HDLBP: variants seen among roughly 807,000 people sequenced by gnomAD.
HDLBP encodes the protein vigilin.
In HDLBP, 30 loss-of-function variants were observed where a neutral mutation model predicts 137.3. That is an observed-to-expected ratio of 0.22 (90% CI 0.16 to 0.30). HDLBP has a LOEUF of 0.30. Among genes scored for constraint, HDLBP ranks in the 10% least tolerant of loss-of-function variants. The pLI, the probability that HDLBP is intolerant of heterozygous loss-of-function variation, is 1.00. For missense variants in HDLBP, 1,119 were observed against 1,667.3 expected (o/e 0.67, Z 5.73); for synonymous variants, 606 against 596.0 (o/e 1.02, Z -0.24).
At chr2:241,245,167 C>A (rs533939716) in intron 16 of HDLBP, among the ~76,000 whole-genome samples, 2 of 151,014 alleles carry the variant, frequency 1.3e-5, no homozygotes, top group East Asian at 1.9e-4. Flanking sequence ...TAATTAAATG[C>A]AAACATCATA....
chr2:241,310,313 A>T (rs1023162261), intron 1 of HDLBP, among the ~76,000 whole-genome samples: 1 of 152,210 alleles, frequency 6.6e-6, no homozygotes, highest in Non-Finnish European at 1.5e-5. Context: ...ACAAAACATC[A>T]ATTAGACAGG....
At chr2:241,284,551 C>A (rs147369343) in intron 1 of HDLBP, among the ~76,000 whole-genome samples, 7 of 152,306 alleles carry the variant, frequency 4.6e-5, no homozygotes, top group Admixed American at 4.6e-4. Flanking sequence ...GAAATGACAA[C>A]AGAGGATTTA....
intron 21 of HDLBP, chr2:241,236,073 A>T (rs2070387167): frequency 5.4e-6 from 1 of 185,908 alleles, no homozygotes; most frequent in Admixed American, 5.5e-5. Flanking sequence ...ACCGCCCTTC[A>T]CCTCCAGAAC....
At chr2:241,263,447 C>A (rs1198022351) in intron 4 of HDLBP, among the ~76,000 whole-genome samples, 1 of 152,040 alleles carries the variant, frequency 6.6e-6, no homozygotes, top group Non-Finnish European at 1.5e-5. Flanking sequence ...GGTGCAGGGT[C>A]CCTCCCGTTG....
chr2:241,230,259 C>T lies in HDLBP; in HGVS notation c.3485G>A (p.Arg1162His), dbSNP rs752747372. 1.1e-5 allele frequency: 18 copies of T among 1,585,784 alleles called. No individual in the cohort carries two copies. Among genetic ancestry groups the T allele is most frequent in the Admixed American group, 5.2e-5 (3 of 58,122 alleles). The change falls in exon 26 of 28, where the codon CGC becomes CAC. Residue 1162 changes from arginine (R) to histidine (H), a missense_variant. Coordinates refer to ENST00000310931, the MANE Select transcript of HDLBP (RefSeq NM_005336.6). This position sits in a 1 kb window ranked among gnomAD's most constrained non-coding sequence, Gnocchi z 5.0. ...KIMDEFKVDI[R>H]FPQSGAPDPN... Reference sequence around the variant, plus strand: ...GTCTGGGGCTCCGCTCTGTGGGAAGCGAATGTCCACCTGGAAGGGGTGTAC... The same window carrying T: ...GTCTGGGGCTCCGCTCTGTGGGAAGTGAATGTCCACCTGGAAGGGGTGTAC...
chr2:241,231,055 G>C (rs1287268064), intron 24 of HDLBP, 111 bp from the exon 25 acceptor site: 18 of 890,892 alleles, frequency 2.0e-5, no homozygotes, highest in Non-Finnish European at 2.8e-5. Flanking sequence ...AAGATGGAAA[G>C]CAACGTCACG....
Position 241,230,111 on chromosome 2 carries a change from G to T in HDLBP, c.3591+42C>A. On this transcript the variant is annotated intron_variant, in intron 26 of 27. Transcript: ENST00000310931. The surrounding 1 kb of genome is among the most constrained non-coding windows in gnomAD (Gnocchi z 5.0). Reference sequence around the variant, plus strand: ...CTGGCTGGGCCTCAGGCCGGTGGACGTGCCAGGGCGCCTCAGGGCTCCAAG... The same window carrying T: ...CTGGCTGGGCCTCAGGCCGGTGGACTTGCCAGGGCGCCTCAGGGCTCCAAG... The T allele has an allele frequency of 6.3e-7, 1 of 1,588,736 alleles. No individual in the cohort carries two copies.
chr2:241,294,577 C>T (rs1401810327), intron 1 of HDLBP, among the ~76,000 whole-genome samples: 2 of 152,164 alleles, frequency 1.3e-5, no homozygotes, highest in Non-Finnish European at 2.9e-5. Context: ...CTTTCCACCT[C>T]AGACTCCTAA....
In HDLBP at chr2:241,272,211, C is replaced by T. The variant is rs1559532403; in HGVS notation, c.-102-3670G>A. ...GCGGCAGGTGGAGGTGCTGCGGGGG[C>T]CCCGCCGCCCGGTCTGCGCCCAGAC... On this transcript the variant is annotated intron_variant, in intron 1 of 27. Coordinates refer to ENST00000310931, the MANE Select transcript of HDLBP (RefSeq NM_005336.6). The surrounding 1 kb of genome is among the most constrained non-coding windows in gnomAD (Gnocchi z 5.6). 3.1e-6 allele frequency: 3 copies of T among 982,822 alleles called. No homozygotes were observed. Among genetic ancestry groups the T allele is most frequent in the Non-Finnish European group, 3.6e-6 (3 of 827,612 alleles). 60.9% of individuals were successfully genotyped at this position (982,822 alleles called of 1,614,324 possible).
chr2:241,235,614 G>C lies in HDLBP; in HGVS notation c.2905-20C>G. 6.4e-7 allele frequency: 1 copy of C among 1,574,620 alleles called. No homozygotes were observed. The highest frequency in any genetic ancestry group is 1.1e-5 in the South Asian group (1 of 90,144). ...CAATGCCTGCAGGGAGGATGGTCAT[G>C]GTTAGGCCGTGGGAGCTGAGAGCAG... On this transcript the variant is annotated intron_variant, in intron 21 of 27. Coordinates refer to ENST00000310931, the MANE Select transcript of HDLBP (RefSeq NM_005336.6).
At chr2:241,304,881 CA>C (rs2075518172) in intron 1 of HDLBP, among the ~76,000 whole-genome samples, 1 of 152,170 alleles carries the variant, frequency 6.6e-6, no homozygotes, top group Admixed American at 6.5e-5. Flanking sequence ...GCCAAGATAA[CA>C]AAAAGAAGAA....
Position 241,229,482 on chromosome 2 carries a change from G to A in HDLBP, c.*119C>T, listed in dbSNP as rs1213959694. 6.7e-6 allele frequency: 5 copies of A among 750,500 alleles called. No individual in the cohort carries two copies. Among genetic ancestry groups the A allele is most frequent in the African/African-American group, 1.8e-5 (1 of 56,804 alleles). The allele number at this position is 750,500 out of a possible 1,614,324, so 46.5% of individuals were successfully genotyped here. On this transcript the variant is annotated 3_prime_UTR_variant, in exon 28 of 28. Transcript: ENST00000310931. ...CGCTAGGCTCCCTGCGGGACCTCGG[G>A]AAGGGGGAAGAGCGTCAACAATTTA...
chr2:241,308,751 G>A (rs1036797486), intron 1 of HDLBP, among the ~76,000 whole-genome samples: 18 of 152,114 alleles, frequency 1.2e-4, no homozygotes, highest in African/African-American at 3.1e-4. Flanking sequence ...GGTCTACCTC[G>A]ACCTGTGATA....
intron 27 of HDLBP, 50 bp downstream of exon 27, chr2:241,229,783 T>TTGG: frequency 2.0e-6 from 3 of 1,524,626 alleles, no homozygotes; most frequent in Non-Finnish European, 2.7e-6. Flanking sequence ...CAAGCCCGCC[T>TTGG]GCCCGCCCAC....
At position 241,272,654 on chromosome 2, in the gene HDLBP, C is replaced by T; in HGVS notation, c.-102-4113G>A. 3.2e-6 allele frequency: 3 copies of T among 932,246 alleles called. No individual in the cohort carries two copies. The highest frequency in any genetic ancestry group is 3.6e-5 in the African/African-American group (2 of 55,610). The allele number at this position is 932,246 out of a possible 1,614,324, so 57.7% of individuals were successfully genotyped here. ...GGCCGCGGCACCCGGGCCCCTCCCC[C>T]TCCGCGGCCTCCACGTCAGCAGCCA... is the stretch of plus-strand genomic sequence containing the variant. On this transcript the variant is annotated intron_variant, in intron 1 of 27. Transcript: ENST00000310931. This position sits in a 1 kb window ranked among gnomAD's most constrained non-coding sequence, Gnocchi z 5.6.
At chr2:241,305,973 G>T (rs1451735253) in intron 1 of HDLBP, among the ~76,000 whole-genome samples, 1 of 151,972 alleles carries the variant, frequency 6.6e-6, no homozygotes, top group East Asian at 1.9e-4. Context: ...TGTTAGCCAG[G>T]ATGGTCTCGA....
At chr2:241,279,628 G>A (rs1175745357) in intron 1 of HDLBP, among the ~76,000 whole-genome samples, 2 of 152,086 alleles carry the variant, frequency 1.3e-5, no homozygotes, top group Non-Finnish European at 2.9e-5. Flanking sequence ...GGAGATGGAT[G>A]ATGCAATCAA....
At chr2:241,258,346 CAAAAAA>C (rs34675892) in intron 5 of HDLBP, among the ~76,000 whole-genome samples, 7 of 55,454 alleles carry the variant, frequency 1.3e-4, no homozygotes, top group African/African-American at 2.4e-4. Context: ...GACTCCGTCT[CAAAAAA>C]AAAAAAAAAA....
At chr2:241,303,898 T>A (rs2075476069) in intron 1 of HDLBP, among the ~76,000 whole-genome samples, 1 of 152,176 alleles carries the variant, frequency 6.6e-6, no homozygotes, top group Non-Finnish European at 1.5e-5. Flanking sequence ...AGCCTCGACC[T>A]CCTGGGCTCA....
Sources: allele counts gnomAD v4.1 joint callset (sites outside exome capture counted in the v4.1 genomes callset), GRCh38; gene constraint gnomAD v4.1.1; non-coding constraint Gnocchi (gnomAD v3.1); transcripts MANE v1.5; gene names NCBI Gene and HGNC (gene_info 2026-07-23, HGNC 2026-07-21).